The following PARD3B variants were observed in gnomAD, a reference collection of about 807,000 sequenced individuals.
PARD3B encodes the protein par-3 family cell polarity regulator beta, also known as partitioning defective 3 homolog B.
A neutral mutation model predicts 130.2 loss-of-function variants in PARD3B; 103 were observed. The observed-to-expected ratio is 0.79, with a 90% CI of 0.67 to 0.93. The LOEUF is 0.93. PARD3B is among the 40% of genes least tolerant of loss of function. PARD3B has a pLI of 0.00. For synonymous variants in PARD3B, 583 were observed against 553.2 expected (o/e 1.05, Z -0.76); for missense variants, 1,609 against 1,499.2 (o/e 1.07, Z -1.21).
intron 10 of PARD3B, among the ~76,000 whole-genome samples, chr2:205,135,817 C>CT (rs2032433993): frequency 6.6e-6 from 1 of 152,116 alleles, no homozygotes; most frequent in East Asian, 1.9e-4. Context: ...ATGCATTTTT[C>CT]TTTAAGATAC....
chr2:204,591,041 A>C (rs1250954328), intron 1 of PARD3B, among the ~76,000 whole-genome samples: 1 of 152,208 alleles, frequency 6.6e-6, no homozygotes, highest in Non-Finnish European at 1.5e-5. Context: ...AATTTTAATA[A>C]TAAGCACAGG....
At chr2:205,266,993 C>A (rs138690423) in intron 16 of PARD3B, among the ~76,000 whole-genome samples, 3 of 151,730 alleles carry the variant, frequency 2.0e-5, no homozygotes, top group Non-Finnish European at 4.4e-5. Context: ...AAGAAGAAGA[C>A]AATAAAAGAA....
rs2030707233 is a variant in PARD3B, at chr2:205,121,473, G to T, written c.807-118G>T. 1 of 853,184 alleles carries T rather than the reference G, an allele frequency of 1.2e-6. No individual in the cohort carries two copies. Among genetic ancestry groups the T allele is most frequent in the Non-Finnish European group, 1.9e-6 (1 of 536,970 alleles). 52.9% of individuals were successfully genotyped at this position (853,184 alleles called of 1,614,324 possible). On this transcript the variant is annotated intron_variant, in intron 7 of 22. Transcript: ENST00000406610. The surrounding 1 kb of genome is among the most constrained non-coding windows in gnomAD (Gnocchi z 5.0). ...GCAAAGTCATTCTGATAGGAATATT[G>T]ATCGTGTCTCCTATGATTAGCCACT...
chr2:204,720,999 A>G (rs1159557107), intron 2 of PARD3B, among the ~76,000 whole-genome samples: 3 of 152,120 alleles, frequency 2.0e-5, no homozygotes, highest in Admixed American at 2.0e-4. Context: ...GCCACCCCAG[A>G]TTAAATTATA....
chr2:204,574,715 T>G (rs1035354185), intron 1 of PARD3B, among the ~76,000 whole-genome samples: 1 of 152,198 alleles, frequency 6.6e-6, no homozygotes, highest in African/African-American at 2.4e-5. Context: ...ATTTCTGAAC[T>G]GCTTATATGG....
chr2:205,032,797 C>A (rs1353821023), intron 3 of PARD3B, among the ~76,000 whole-genome samples: 1 of 152,080 alleles, frequency 6.6e-6, no homozygotes, highest in Non-Finnish European at 1.5e-5. Flanking sequence ...CCATTTTTTT[C>A]CAGTCTTGCC....
chr2:204,999,376 C>G (rs1410606137), intron 3 of PARD3B, among the ~76,000 whole-genome samples: 2 of 152,164 alleles, frequency 1.3e-5, no homozygotes, highest in African/African-American at 4.8e-5. Flanking sequence ...AAAACATTTA[C>G]TTAGAATTTC....
intron 2 of PARD3B, among the ~76,000 whole-genome samples, chr2:204,819,636 C>T (rs1057409935): frequency 6.6e-6 from 1 of 152,108 alleles, no homozygotes; most frequent in Non-Finnish European, 1.5e-5. Context: ...AGGTTGAAAG[C>T]TAAGATAGGC....
chr2:204,716,849 C>G (rs1216964865), intron 2 of PARD3B, among the ~76,000 whole-genome samples: 1 of 152,054 alleles, frequency 6.6e-6, no homozygotes, highest in Non-Finnish European at 1.5e-5. Context: ...GTTTCAATCT[C>G]CTGACCTCGT....
At chr2:205,547,974 C>T (rs1261411990) in intron 21 of PARD3B, among the ~76,000 whole-genome samples, 2 of 152,160 alleles carry the variant, frequency 1.3e-5, no homozygotes, top group African/African-American at 4.8e-5. Context: ...CACACAGTCC[C>T]TGTCTTACTG....
chr2:205,174,813 TATGTAA>T (rs1222541064), intron 12 of PARD3B, among the ~76,000 whole-genome samples: 1 of 152,226 alleles, frequency 6.6e-6, no homozygotes, highest in Non-Finnish European at 1.5e-5. Context: ...ATGTACAAGA[TATGTAA>T]ACAGTTTTGA....
chr2:204,937,672 G>T lies in PARD3B; in HGVS notation c.223-27480G>T, dbSNP rs532649625. ...CAGCGCCACTACAGAACTGCTGTGG[G>T]ATCAACAAATTGTTTCTTCTTCGCT... On this transcript the variant is annotated intron_variant, in intron 2 of 22. Transcript: ENST00000406610. Among the ~76,000 whole-genome samples, 73 of 152,248 alleles carry T rather than the reference G, an allele frequency of 4.8e-4. No homozygotes were observed. The South Asian group carries it at 0.015, about 31-fold the overall frequency.
At chr2:205,171,766 A>G (rs1434508557) in intron 11 of PARD3B, among the ~76,000 whole-genome samples, 1 of 152,204 alleles carries the variant, frequency 6.6e-6, no homozygotes, top group East Asian at 1.9e-4. Flanking sequence ...ACTACTGTCA[A>G]GCACACAGCA....
intron 21 of PARD3B, among the ~76,000 whole-genome samples, chr2:205,540,495 T>C (rs764871535): frequency 5.9e-5 from 9 of 152,218 alleles, no homozygotes; most frequent in South Asian, 4.1e-4. Flanking sequence ...TTCAATGCTA[T>C]TGAAATCAAA....
chr2:204,827,402 G>C (rs1234898864), intron 2 of PARD3B, among the ~76,000 whole-genome samples: 3 of 152,122 alleles, frequency 2.0e-5, no homozygotes, highest in African/African-American at 7.2e-5. Context: ...AATTTAATTG[G>C]TTTCCTTTAA....
rs550994828 is a variant in PARD3B at position 205,319,570 on chromosome 2, C to A, written c.2630+17869C>A. Among the ~76,000 whole-genome samples the A allele has an allele frequency of 9.8e-5, 15 of 152,356 alleles. 1 individual carries two copies. Among genetic ancestry groups the A allele is most frequent in the African/African-American group, 3.1e-4 (13 of 41,586 alleles). On this transcript the variant is annotated intron_variant, in intron 18 of 22. Transcript: ENST00000406610. ...CTTCTAGACTACCTGGCTGACCTCT[C>A]TAAGTCAGCCTCTGTGCTTTTGTGT... is the stretch of plus-strand genomic sequence containing the variant.
chr2:204,570,726 T>C lies in PARD3B; in HGVS notation c.120+24607T>C, dbSNP rs565356843. Among the ~76,000 whole-genome samples the C allele has an allele frequency of 2.8e-3, 421 of 149,020 alleles. 1 individual carries two copies. Among genetic ancestry groups the C allele is most frequent in the Middle Eastern group, 0.015 (4 of 266 alleles). ...TGTAACTGAGGTGTATAAGCTGTTA[T>C]AACTGAGGTGTATGAGCTGTTGTAA... is the stretch of plus-strand genomic sequence containing the variant. On this transcript the variant is annotated intron_variant, in intron 1 of 22. Coordinates refer to ENST00000406610, the MANE Select transcript of PARD3B (RefSeq NM_001302769.2).
rs1305525653 is a variant in PARD3B at position 205,281,263 on chromosome 2, A to T, written c.2186-19267A>T. 6.6e-6 allele frequency among the ~76,000 whole-genome samples: 1 copy of T among 152,216 alleles called. No homozygotes were observed. Among genetic ancestry groups the T allele is most frequent in the Non-Finnish European group, 1.5e-5 (1 of 68,040 alleles). The stretch of plus-strand genomic sequence containing the variant: ...AGGGTTGGGGATGATCATGTTAAAT[A>T]AACATCTACTTTAGCATCTCAGGTA... On this transcript the variant is annotated intron_variant, in intron 16 of 22. Coordinates refer to ENST00000406610, the MANE Select transcript of PARD3B (RefSeq NM_001302769.2). This position sits in a 1 kb window ranked among gnomAD's most constrained non-coding sequence, Gnocchi z 4.2.
intron 2 of PARD3B, among the ~76,000 whole-genome samples, chr2:204,878,071 A>G (rs1025347910): frequency 9.9e-5 from 15 of 152,168 alleles, no homozygotes; most frequent in Admixed American, 3.9e-4. Context: ...ACTTGCATCT[A>G]CTGTCAGATA....
Sources: allele counts gnomAD v4.1 joint callset (sites outside exome capture counted in the v4.1 genomes callset), GRCh38; gene constraint gnomAD v4.1.1; non-coding constraint Gnocchi (gnomAD v3.1); transcripts MANE v1.5; gene names NCBI Gene and HGNC (gene_info 2026-07-23, HGNC 2026-07-21).